The following EPB41L2 variants were observed in gnomAD, a reference collection of about 807,000 sequenced individuals.
The protein encoded by EPB41L2 is erythrocyte membrane protein band 4.1 like 2, also known as band 4.1-like protein 2.
EPB41L2 carries 43 observed loss-of-function variants against 113.0 expected under a neutral mutation model. That is an observed-to-expected ratio of 0.38 (90% confidence interval 0.30 to 0.49). The LOEUF (loss-of-function observed/expected upper bound fraction) is 0.49, where lower values mean the gene tolerates loss of function less well. EPB41L2 is among the 20% of genes least tolerant of loss of function. The probability of loss-of-function intolerance (pLI) is 0.95; values close to 1 mark genes in which losing one functional copy is unlikely to be tolerated. For synonymous variants in EPB41L2, 442 were observed against 436.7 expected, an observed-to-expected ratio of 1.01 and a Z score of -0.15; for missense variants, 1,147 against 1,223.4, an observed-to-expected ratio of 0.94 and a Z score of 0.93.
intron 1 of EPB41L2, among the ~76,000 whole-genome samples, chr6:130,959,652 T>A (rs532251388): frequency 6.6e-6 from 1 of 152,378 alleles, no homozygotes; most frequent in East Asian, 1.9e-4. Flanking sequence ...ACTGGCTCCA[T>A]ATTGCACAGA....
intron 19 of EPB41L2, among the ~76,000 whole-genome samples, chr6:130,855,970 G>A (rs1000975912): frequency 5.9e-5 from 9 of 152,040 alleles, no homozygotes; most frequent in African/African-American, 2.2e-4. Context: ...AGGGATAGAC[G>A]CATGGACCAA....
chr6:130,941,413 A>G (rs1810854023), intron 3 of EPB41L2, among the ~76,000 whole-genome samples: 1 of 152,242 alleles, frequency 6.6e-6, no homozygotes, highest in Non-Finnish European at 1.5e-5. Context: ...AGCGCACACC[A>G]AATTTTTTTA....
chr6:130,894,681 A>G (rs10499177), intron 9 of EPB41L2, among the ~76,000 whole-genome samples: 15,336 of 152,206 alleles, frequency 0.1, 911 homozygotes, highest in Admixed American at 0.15. Context: ...ACTAAAACTC[A>G]TCTTATTGCT....
intron 19 of EPB41L2, among the ~76,000 whole-genome samples, chr6:130,843,257 A>T (rs1776057575): frequency 6.6e-6 from 1 of 152,226 alleles, no homozygotes. Flanking sequence ...CATCAGAAAT[A>T]CTGTACTTTT....
At chr6:130,880,061 TGCCA>T in intron 13 of EPB41L2, 79 bp downstream of exon 13, 2 of 1,013,204 alleles carry the variant, frequency 2.0e-6, no homozygotes, top group South Asian at 1.5e-5. Context: ...TGAAGAACAT[TGCCA>T]GCCAGCCTAG....
At chr6:131,046,964 T>C (rs1795586595) in intron 1 of EPB41L2, among the ~76,000 whole-genome samples, 1 of 152,128 alleles carries the variant, frequency 6.6e-6, no homozygotes, top group African/African-American at 2.4e-5. Context: ...GTCGTTTACA[T>C]ATTCTTAGGG....
At chr6:131,042,432 T>C (rs760882787) in intron 1 of EPB41L2, among the ~76,000 whole-genome samples, 2 of 152,188 alleles carry the variant, frequency 1.3e-5, no homozygotes, top group Non-Finnish European at 2.9e-5. Flanking sequence ...CATCTCTTAA[T>C]GCACTAAACA....
intron 4 of EPB41L2, among the ~76,000 whole-genome samples, chr6:130,909,385 G>A (rs963601855): frequency 6.6e-6 from 1 of 152,146 alleles, no homozygotes; most frequent in African/African-American, 2.4e-5. Context: ...TGTAAGGAGA[G>A]GTAAGGTCAG....
intron 17 of EPB41L2, among the ~76,000 whole-genome samples, chr6:130,864,052 A>G (rs1782953143): frequency 6.6e-6 from 1 of 152,232 alleles, no homozygotes; most frequent in Non-Finnish European, 1.5e-5. Context: ...AGTTCCTTTA[A>G]GGGAATTCTG....
intron 3 of EPB41L2, among the ~76,000 whole-genome samples, chr6:130,940,838 T>A (rs564289605): frequency 6.6e-6 from 1 of 152,136 alleles, no homozygotes; most frequent in East Asian, 1.9e-4. Context: ...CTCCAGCCTA[T>A]AGTAACTTGG....
rs556994669 is a variant in EPB41L2 at position 130,937,304 on chromosome 6, C to G, written c.706-10595G>C. ...AAAATTTTTTTAAAAGCTTAACCAA[C>G]AAATTTTTAAAAGCTTAACCATGAG... is the stretch of plus-strand genomic sequence containing the variant. On this transcript the variant is annotated intron_variant, in intron 3 of 19. Coordinates refer to ENST00000337057, the MANE Select transcript of EPB41L2 (RefSeq NM_001431.4). 5.6e-4 allele frequency among the ~76,000 whole-genome samples: 86 copies of G among 152,252 alleles called. 1 individual carries two copies. The highest frequency in any genetic ancestry group is 3.9e-4 in the Admixed American group (6 of 15,304).
chr6:131,033,838 GA>G (rs1222765345), intron 1 of EPB41L2, among the ~76,000 whole-genome samples: 1 of 152,212 alleles, frequency 6.6e-6, no homozygotes, highest in Non-Finnish European at 1.5e-5. Flanking sequence ...TTGTGATGAT[GA>G]AAAAGTTCTG....
intron 1 of EPB41L2, among the ~76,000 whole-genome samples, chr6:131,040,102 A>G (rs996306244): frequency 3.9e-5 from 6 of 152,308 alleles, no homozygotes; most frequent in East Asian, 1.9e-4. Flanking sequence ...TTGCACAACA[A>G]TGTGAATGGG....
At chr6:130,870,758 C>T (rs559093378) in intron 14 of EPB41L2, among the ~76,000 whole-genome samples, 3 of 151,318 alleles carry the variant, frequency 2.0e-5, no homozygotes, top group African/African-American at 2.4e-5. Context: ...TAGCCTGGAA[C>T]GCTGATTCTT....
chr6:131,036,037 T>C (rs1285837684), intron 1 of EPB41L2, among the ~76,000 whole-genome samples: 1 of 152,166 alleles, frequency 6.6e-6, no homozygotes, highest in African/African-American at 2.4e-5. Flanking sequence ...TGAGGCTAAT[T>C]TGCTTTGTGA....
intron 1 of EPB41L2, among the ~76,000 whole-genome samples, chr6:130,957,674 TGAA>T (rs913935701): frequency 6.7e-6 from 1 of 148,872 alleles, no homozygotes; most frequent in Admixed American, 6.7e-5. Context: ...GGTACAAACT[TGAA>T]TAAGTCAAAA....
chr6:130,872,425 G>T lies in EPB41L2; in HGVS notation c.2044-2299C>A, dbSNP rs1053567325. 3 of 1,289,244 alleles carry T rather than the reference G, an allele frequency of 2.3e-6. No individual in the cohort carries two copies. In the African/African-American group the frequency reaches 4.6e-5, roughly 20 times the overall value. 79.9% of individuals were successfully genotyped at this position (1,289,244 alleles called of 1,614,324 possible). ...AAAGCTTTTCAGAAGGTGCATTAGC[G>T]CTCACAACAGCGCCCTCTGCTGTCC... On this transcript the variant is annotated intron_variant, in intron 14 of 19. Transcript: ENST00000337057.
At chr6:130,995,466 A>G (rs1012757666) in intron 1 of EPB41L2, among the ~76,000 whole-genome samples, 2 of 152,314 alleles carry the variant, frequency 1.3e-5, no homozygotes, top group East Asian at 1.9e-4. Flanking sequence ...TGGTGAAACC[A>G]CTCCAGCCTG....
intron 14 of EPB41L2, among the ~76,000 whole-genome samples, chr6:130,877,719 C>T (rs1788008374): frequency 6.6e-6 from 1 of 151,982 alleles, no homozygotes; most frequent in South Asian, 2.1e-4. Flanking sequence ...TAAAGATAGC[C>T]TATATTTCTT....
Sources: allele counts gnomAD v4.1 joint callset (sites outside exome capture counted in the v4.1 genomes callset), GRCh38; gene constraint gnomAD v4.1.1; transcripts MANE v1.5; gene names NCBI Gene and HGNC (gene_info 2026-07-23, HGNC 2026-07-21).